The following ST18 variants were observed in gnomAD, a reference collection of about 807,000 sequenced individuals.
ST18 encodes the protein suppression of tumorigenicity 18 protein.
In ST18, 50 loss-of-function variants were observed where a neutral mutation model predicts 110.0. That is an observed-to-expected ratio of 0.45 (90% confidence interval 0.36 to 0.58). ST18 has a LOEUF of 0.58. Among genes scored for constraint, ST18 ranks in the 20% least tolerant of loss-of-function variants. ST18 has a pLI of 0.00. For missense variants in ST18, 1,306 were observed against 1,280.1 expected (o/e 1.02, Z -0.31); for synonymous variants, 461 against 452.4 (o/e 1.02, Z -0.24).
intron 2 of ST18, among the ~76,000 whole-genome samples, chr8:52,302,535 T>C (rs2095743312): frequency 6.6e-6 from 1 of 152,212 alleles, no homozygotes; most frequent in Admixed American, 6.5e-5. Context: ...CAGGTCTTGG[T>C]TGCTAAGTAC....
At chr8:52,249,110 C>T (rs2094087802) in intron 2 of ST18, among the ~76,000 whole-genome samples, 1 of 152,182 alleles carries the variant, frequency 6.6e-6, no homozygotes, top group Admixed American at 6.6e-5. Context: ...TAGCCTACCT[C>T]TCAAATTCAA....
chr8:52,123,649 G>T (rs772968036), intron 23 of ST18, among the ~76,000 whole-genome samples: 19 of 152,148 alleles, frequency 1.2e-4, no homozygotes, highest in Non-Finnish European at 2.4e-4. Context: ...CTTGTCAATG[G>T]GTTCAACCCA....
At chr8:52,223,353 TGG>T (rs1476529337) in intron 3 of ST18, among the ~76,000 whole-genome samples, 1 of 152,216 alleles carries the variant, frequency 6.6e-6, no homozygotes, top group Non-Finnish European at 1.5e-5. Context: ...GATTTATTTA[TGG>T]GTCCTTGGCC....
At chr8:52,292,858 C>A (rs959371325) in intron 2 of ST18, among the ~76,000 whole-genome samples, 1 of 152,184 alleles carries the variant, frequency 6.6e-6, no homozygotes, top group African/African-American at 2.4e-5. Flanking sequence ...TCAATTCGGT[C>A]TCCTCCCTTC....
At position 52,118,382 on chromosome 8, in the gene ST18, A is replaced by T. The variant is rs766768055; in HGVS notation, c.2815T>A (p.Ser939Thr). 6.2e-7 allele frequency: 1 copy of T among 1,611,712 alleles called. No individual in the cohort carries two copies. The highest frequency in any genetic ancestry group is 1.1e-5 in the South Asian group (1 of 90,328). ...ATATCTGCTTCAATTTTAAGGTTGG[A>T]TTCATTCAGTTCCTTTATTTCTTCA... ...LDEEIKELNE[S>T]NLKIEADMMK... The change falls in exon 24 of 26, where the codon TCC becomes ACC. Residue 939 changes from serine (S) to threonine (T), a missense_variant. Physicochemically the swap from Ser to Thr is moderately conservative, Grantham distance 58. Transcript: ENST00000689386.
At chr8:52,206,412 A>G (rs1163234065) in intron 8 of ST18, 1 of 152,196 alleles carries the variant, frequency 6.6e-6, no homozygotes, top group Admixed American at 6.5e-5. Context: ...TTCTTATTGA[A>G]AGCTTCCCCA....
intron 10 of ST18, among the ~76,000 whole-genome samples, chr8:52,169,673 C>T (rs536098499): frequency 1.3e-5 from 2 of 152,288 alleles, no homozygotes; most frequent in Non-Finnish European, 2.9e-5. Flanking sequence ...AAAAAACATC[C>T]TTCTTGTGCC....
intron 15 of ST18, among the ~76,000 whole-genome samples, chr8:52,152,149 C>T (rs190157447): frequency 9.2e-5 from 14 of 152,288 alleles, no homozygotes; most frequent in Non-Finnish European, 1.8e-4. Flanking sequence ...AGAGAGCGGG[C>T]GGCTCACTGG....
intron 2 of ST18, among the ~76,000 whole-genome samples, chr8:52,363,465 C>T (rs950131041): frequency 3.3e-5 from 5 of 152,050 alleles, no homozygotes; most frequent in East Asian, 3.9e-4. Context: ...ATCATGGGCT[C>T]GGTGTGAATT....
intron 2 of ST18, among the ~76,000 whole-genome samples, chr8:52,394,946 C>A (rs573162579): frequency 1.3e-4 from 19 of 151,842 alleles, no homozygotes. Context: ...ACACAGCAGA[C>A]GCAATGATTC....
intron 19 of ST18, 150 bp downstream of exon 19, chr8:52,136,440 C>T: frequency 1.4e-6 from 1 of 697,528 alleles, no homozygotes; most frequent in Non-Finnish European, 2.5e-6. Flanking sequence ...TTCAGTCATC[C>T]CAGCGCTTTA....
chr8:52,388,295 C>A lies in ST18; in HGVS notation c.-465+21033G>T, dbSNP rs567174958. On this transcript the variant is annotated intron_variant, in intron 2 of 25. Transcript: ENST00000689386. ...CGAGCACACCTTGAATTCCTACGGG[C>A]TCTCAGCTCCCGGGAGCTGCAGAGC... 3.3e-5 allele frequency among the ~76,000 whole-genome samples: 5 copies of A among 152,096 alleles called. No individual in the cohort carries two copies. In the South Asian group the frequency reaches 1.0e-3, roughly 32 times the overall value.
chr8:52,287,274 A>AT (rs1389697370), intron 2 of ST18, among the ~76,000 whole-genome samples: 1 of 152,176 alleles, frequency 6.6e-6, no homozygotes, highest in African/African-American at 2.4e-5. Context: ...GTTGCTGAAC[A>AT]TTTTTTAAAG....
At chr8:52,155,934 C>CTGTA (rs1052356008) in intron 15 of ST18, among the ~76,000 whole-genome samples, 29 of 152,256 alleles carry the variant, frequency 1.9e-4, no homozygotes, top group African/African-American at 6.5e-4. Flanking sequence ...ACAGTAAGAT[C>CTGTA]TGTAATTCAT....
chr8:52,219,617 C>T (rs1328484351), intron 5 of ST18, among the ~76,000 whole-genome samples: 1 of 152,160 alleles, frequency 6.6e-6, no homozygotes, highest in Non-Finnish European at 1.5e-5. Context: ...ATCCCTCCTA[C>T]ACCTGTAAAT....
At chr8:52,403,669 C>T (rs898980665) in intron 2 of ST18, 7 of 152,128 alleles carry the variant, frequency 4.6e-5, no homozygotes, top group African/African-American at 1.2e-4. Context: ...GCTGTACTCC[C>T]GCACTCTTCT....
At chr8:52,143,098 G>A (rs1472760662) in intron 16 of ST18, 53 bp from the exon 17 acceptor site, 2 of 1,134,300 alleles carry the variant, frequency 1.8e-6, no homozygotes, top group South Asian at 1.3e-5. Context: ...GGGAACCCTG[G>A]AAAGACAACT....
At chr8:52,214,067 G>A (rs775726241) in intron 7 of ST18, 136 bp downstream of exon 7, 6 of 911,870 alleles carry the variant, frequency 6.6e-6, no homozygotes, top group Non-Finnish European at 1.0e-5. Context: ...AAGAGCCAGT[G>A]TCCTGGCTTG....
chr8:52,346,277 A>G (rs1252873448), intron 2 of ST18, among the ~76,000 whole-genome samples: 2 of 151,386 alleles, frequency 1.3e-5, no homozygotes, highest in Admixed American at 1.3e-4. Context: ...ATTTGAAGAG[A>G]AGCCCTAAAA....
Sources: allele counts gnomAD v4.1 joint callset (sites outside exome capture counted in the v4.1 genomes callset), GRCh38; gene constraint gnomAD v4.1.1; transcripts MANE v1.5; gene names NCBI Gene and HGNC (gene_info 2026-07-23, HGNC 2026-07-21).